VCL: variants seen among roughly 807,000 people sequenced by gnomAD.
VCL encodes vinculin, also known as epididymis luminal protein 114.
In VCL, 47 loss-of-function variants were observed where a neutral mutation model predicts 125.7. That is an observed-to-expected ratio of 0.37 (90% CI 0.30 to 0.48). VCL has a LOEUF of 0.48. Ranked by LOEUF, VCL falls within the 20% of genes least tolerant of loss-of-function variation. VCL has a pLI of 0.99. For synonymous variants in VCL, 458 were observed against 514.6 expected (o/e 0.89, Z 1.49); for missense variants, 1,069 against 1,455.5 (o/e 0.73, Z 4.32).
At chr10:74,006,719 A>G (rs1383107824) in intron 1 of VCL, among the ~76,000 whole-genome samples, 2 of 152,228 alleles carry the variant, frequency 1.3e-5, no homozygotes, top group Admixed American at 1.3e-4. Context: ...TACAACTATT[A>G]TGTAAAATTA....
At position 74,103,705 on chromosome 10, in the gene VCL, G is replaced by C. The variant is rs7097873; in HGVS notation, c.2023-115G>C. 1.2e-4 allele frequency: 110 copies of C among 954,628 alleles called. No homozygotes were observed. In the African/African-American group the frequency reaches 1.6e-3, roughly 14 times the overall value. 59.1% of individuals were successfully genotyped at this position (954,628 alleles called of 1,614,324 possible). The stretch of plus-strand genomic sequence containing the variant: ...ATGTATTCAGCCTGAAAAGAGACTT[G>C]CCACTTTCTGGCTTTACAGTGCCAT... On this transcript the variant is annotated intron_variant, in intron 14 of 21. Transcript: ENST00000211998.
At chr10:74,066,061 A>ATATATATATATT (rs1441211975) in intron 2 of VCL, among the ~76,000 whole-genome samples, 69 of 137,480 alleles carry the variant, frequency 5.0e-4, no homozygotes, top group African/African-American at 7.4e-4. Flanking sequence ...ATATATATAT[A>ATATATATATATT]TTTTTTTTTT....
At chr10:74,055,476 C>T (rs1031220332) in intron 2 of VCL, among the ~76,000 whole-genome samples, 14 of 151,608 alleles carry the variant, frequency 9.2e-5, no homozygotes, top group Non-Finnish European at 1.8e-4. Flanking sequence ...TCCCAGGTAC[C>T]TGGGACTATA....
intron 8 of VCL, among the ~76,000 whole-genome samples, chr10:74,087,010 C>G (rs1039084389): frequency 4.0e-5 from 6 of 151,850 alleles, no homozygotes; most frequent in African/African-American, 1.5e-4. Flanking sequence ...CAGTTGGACT[C>G]TTTTTTAAAA....
At chr10:74,026,847 C>T (rs924871327) in intron 1 of VCL, among the ~76,000 whole-genome samples, 3 of 152,310 alleles carry the variant, frequency 2.0e-5, no homozygotes, top group East Asian at 1.9e-4. Flanking sequence ...ATTCCATTAC[C>T]TTCCAAGATG....
chr10:74,028,946 G>A (rs1840824156), intron 1 of VCL, among the ~76,000 whole-genome samples: 1 of 152,020 alleles, frequency 6.6e-6, no homozygotes, highest in African/African-American at 2.4e-5. Context: ...GGCCCCTGGA[G>A]TAGTTGGGAC....
chr10:74,057,158 T>G (rs1841403328), intron 2 of VCL, among the ~76,000 whole-genome samples: 1 of 152,076 alleles, frequency 6.6e-6, no homozygotes. Flanking sequence ...TAGTCTAGGC[T>G]GTTCTCAAAC....
intron 1 of VCL, among the ~76,000 whole-genome samples, chr10:74,032,887 T>C (rs1840907993): frequency 6.6e-6 from 1 of 152,054 alleles, no homozygotes; most frequent in African/African-American, 2.4e-5. Flanking sequence ...ATAACAAGTG[T>C]TGCCAGGGAT....
At chr10:74,072,458 T>C (rs1380334285) in intron 4 of VCL, among the ~76,000 whole-genome samples, 1 of 152,164 alleles carries the variant, frequency 6.6e-6, no homozygotes, top group African/African-American at 2.4e-5. Flanking sequence ...TTAATAAATA[T>C]ATATTTATTC....
chr10:74,045,306 G>GATAGATAT (rs1183831525), intron 2 of VCL, among the ~76,000 whole-genome samples: 2 of 151,180 alleles, frequency 1.3e-5, no homozygotes, highest in Non-Finnish European at 2.9e-5. Flanking sequence ...TAGATAGATA[G>GATAGATAT]ATATGTAGGT....
rs754046223 is a variant in VCL at position 74,090,144 on chromosome 10, G to A, written c.1298G>A (p.Arg433His). 11 of 1,614,158 alleles carry A rather than the reference G, an allele frequency of 6.8e-6. No individual in the cohort carries two copies. In the Middle Eastern group the frequency reaches 5.0e-4, roughly 73 times the overall value. Residue 433 changes from arginine to histidine, a missense_variant, in exon 10 of 22, where the codon CGT becomes CAT. Arg to His is a conservative substitution (Grantham distance 29). Around this residue, in one of 6 missense-constraint regions of VCL, gnomAD observed 760 missense variants for 928.9 expected, o/e 0.82. Transcript: ENST00000211998. ...CCTAAAGAAAGAGATGACATTCTAC[G>A]TTCCCTTGGGGAAATATCTGCTCTG... Reference protein sequence around the residue: ...DDPKERDDILRSLGEISALTS... With the variant: ...DDPKERDDILHSLGEISALTS...
chr10:74,072,629 G>T, intron 4 of VCL, 101 bp from the exon 5 acceptor site: 2 of 1,570,146 alleles, frequency 1.3e-6, no homozygotes, highest in Non-Finnish European at 1.7e-6. Flanking sequence ...TGAGCAATCG[G>T]TTTGAACTTT....
chr10:74,045,265 G>GGATAGTTA (rs1554815107), intron 2 of VCL, among the ~76,000 whole-genome samples: 1 of 147,128 alleles, frequency 6.8e-6, no homozygotes, highest in African/African-American at 2.5e-5. Flanking sequence ...ACAGAGAGAC[G>GGATAGTTA]GATAGATAGA....
intron 13 of VCL, 47 bp from the exon 14 acceptor site, chr10:74,100,895 GCCTGAC>G: frequency 1.2e-6 from 2 of 1,609,086 alleles, no homozygotes; most frequent in Non-Finnish European, 1.7e-6. Context: ...TTCTTAGGCT[GCCTGAC>G]CCATTTTATT....
intron 2 of VCL, among the ~76,000 whole-genome samples, chr10:74,055,435 C>G (rs1002347152): frequency 7.2e-5 from 11 of 152,002 alleles, no homozygotes; most frequent in Non-Finnish European, 1.3e-4. Context: ...GCCTCAGCCT[C>G]CTGGGCTCAG....
intron 21 of VCL, among the ~76,000 whole-genome samples, chr10:74,116,812 C>T (rs1840317770): frequency 6.6e-6 from 1 of 152,162 alleles, no homozygotes; most frequent in Non-Finnish European, 1.5e-5. Context: ...GCCTGAGTCC[C>T]TTTGCTGACC....
At chr10:74,107,930 A>C (rs1247463685) in intron 17 of VCL, among the ~76,000 whole-genome samples, 3 of 152,214 alleles carry the variant, frequency 2.0e-5, no homozygotes, top group African/African-American at 7.2e-5. Context: ...TATGTTGCAG[A>C]CACAAATTCC....
chr10:74,088,334 T>C (rs1839821203), intron 8 of VCL, among the ~76,000 whole-genome samples: 1 of 152,204 alleles, frequency 6.6e-6, no homozygotes, highest in Non-Finnish European at 1.5e-5. Flanking sequence ...ATATCATTTC[T>C]GAGAGAGGAA....
In VCL at chr10:74,100,948, G is replaced by A; in HGVS notation, c.1873G>A (p.Val625Ile). The A allele has an allele frequency of 6.2e-7, 1 of 1,613,854 alleles. No individual in the cohort carries two copies. Among genetic ancestry groups the A allele is most frequent in the Middle Eastern group, 1.7e-4 (1 of 6,026 alleles). ...APPDAPNREEVFDERAANFEN... is the reference protein window; with the variant it reads ...APPDAPNREEIFDERAANFEN... Reference sequence around the variant, plus strand: ...TCTTAATATCTGTTTTTTCCTCAAGGTATTTGATGAGAGGGCAGCTAACTT... The same window carrying A: ...TCTTAATATCTGTTTTTTCCTCAAGATATTTGATGAGAGGGCAGCTAACTT... Residue 625 changes from valine (V) to isoleucine (I), a missense_variant and splice_region_variant, in exon 14 of 22, where the codon GTA (valine) becomes ATA (isoleucine). Transcript: ENST00000211998.
Sources: gnomAD v4.1 joint callset for allele counts (sites outside exome capture counted in the v4.1 genomes callset) on GRCh38, gnomAD v4.1.1 for gene constraint, gnomAD v4.1.1 regional missense constraint, MANE v1.5 for transcripts, NCBI Gene and HGNC (gene_info 2026-07-23, HGNC 2026-07-21) for gene names.